The following DCT variants were observed in gnomAD, a reference collection of about 807,000 sequenced individuals.
DCT encodes the protein L-dopachrome tautomerase.
Under a neutral mutation model 53.0 loss-of-function variants are expected in DCT, and 47 were observed. The ratio of observed to expected loss-of-function variants is 0.89; its 90% CI spans 0.70 to 1.13. DCT has a LOEUF of 1.13. Among genes scored for constraint, DCT ranks in the 50% most tolerant of loss-of-function variants. The probability of loss-of-function intolerance (pLI) is 0.00; values close to 1 mark genes in which losing one functional copy is unlikely to be tolerated. For missense variants in DCT, 669 were observed against 637.4 expected (o/e 1.05, Z -0.53); for synonymous variants, 244 against 237.0 (o/e 1.03, Z -0.27).
intron 1 of DCT, among the ~76,000 whole-genome samples, chr13:94,471,659 A>T (rs1884652032): frequency 6.6e-6 from 1 of 152,234 alleles, no homozygotes; most frequent in Non-Finnish European, 1.5e-5. Context: ...CTACTATGAC[A>T]GTACAGGAAT....
chr13:94,517,411 ACT>A, the DCT span, among the ~76,000 whole-genome samples: 1 of 151,872 alleles, frequency 6.6e-6, no homozygotes. Flanking sequence ...CTCATTCTTG[ACT>A]CTCATCACCT....
chr13:94,446,182 G>A (rs1490557816), intron 6 of DCT, among the ~76,000 whole-genome samples: 1 of 152,096 alleles, frequency 6.6e-6, no homozygotes, highest in African/African-American at 2.4e-5. Flanking sequence ...CCTCAACAGT[G>A]GACACCAATA....
At chr13:94,521,884 T>C in the DCT span, among the ~76,000 whole-genome samples, 2 of 152,156 alleles carry the variant, frequency 1.3e-5, no homozygotes, top group Admixed American at 6.5e-5. Flanking sequence ...AGAAGCCCTA[T>C]ACCTAATACC....
chr13:94,469,127 G>T, intron 1 of DCT, 82 bp from the exon 2 acceptor site: 1 of 1,183,556 alleles, frequency 8.4e-7, no homozygotes, highest in Non-Finnish European at 1.2e-6. Context: ...TCTGAAATTT[G>T]AATGGAAGAG....
chr13:94,493,874 A>G, the DCT span, among the ~76,000 whole-genome samples: 1 of 152,192 alleles, frequency 6.6e-6, no homozygotes, highest in African/African-American at 2.4e-5. Context: ...ACAAAGAGTG[A>G]ACCCTCATGT....
At chr13:94,511,146 C>A in the DCT span, among the ~76,000 whole-genome samples, 3 of 152,138 alleles carry the variant, frequency 2.0e-5, no homozygotes, top group Non-Finnish European at 4.4e-5. Flanking sequence ...AAAGTCCTAA[C>A]AATGTCTATC....
intron 6 of DCT, among the ~76,000 whole-genome samples, chr13:94,443,877 G>A (rs1882533795): frequency 6.6e-6 from 1 of 152,184 alleles, no homozygotes; most frequent in African/African-American, 2.4e-5. Flanking sequence ...TTTCAACGAT[G>A]TATGAATCTC....
intron 6 of DCT, among the ~76,000 whole-genome samples, chr13:94,453,242 C>T (rs1883209249): frequency 6.6e-6 from 1 of 151,902 alleles, no homozygotes; most frequent in Non-Finnish European, 1.5e-5. Context: ...GATTTTGGTA[C>T]CCATGGTGGG....
Position 94,440,676 on chromosome 13 carries a change from G to GTTTT in DCT, c.1382-604_1382-601dup, listed in dbSNP as rs761688508. ...CAAAATTAGTGGATTTCATTTTTTG[G>GTTTT]TTTTTTTTTTTTTTTTTTTTTTTAG... On this transcript the variant is annotated intron_variant, in intron 7 of 7. Coordinates refer to ENST00000377028, the MANE Select transcript of DCT (RefSeq NM_001922.5). Among the ~76,000 whole-genome samples the GTTTT allele has an allele frequency of 7.6e-3, 745 of 98,002 alleles. 31 individuals are homozygous for GTTTT. Among genetic ancestry groups the GTTTT allele is most frequent in the South Asian group, 0.017 (47 of 2,692 alleles). The allele number at this position is 98,002 out of a possible 152,430, so 64.3% of individuals were successfully genotyped here.
chr13:94,542,641 A>G, the DCT span, among the ~76,000 whole-genome samples: 1 of 152,268 alleles, frequency 6.6e-6, no homozygotes, highest in East Asian at 1.9e-4. Flanking sequence ...CTGGGGCTCA[A>G]TCGAAGTTCT....
intron 4 of DCT, among the ~76,000 whole-genome samples, chr13:94,464,324 C>T (rs1367103298): frequency 2.6e-5 from 4 of 152,188 alleles, no homozygotes; most frequent in Non-Finnish European, 1.5e-5. Flanking sequence ...GGACGAAAGA[C>T]AGAGCAGTGG....
intron 7 of DCT, among the ~76,000 whole-genome samples, chr13:94,441,361 T>C (rs533685814): frequency 1.3e-5 from 2 of 152,360 alleles, no homozygotes; most frequent in South Asian, 4.1e-4. Context: ...TGTTGTAACA[T>C]ATATGTAACA....
At chr13:94,500,857 G>T in the DCT span, among the ~76,000 whole-genome samples, 2 of 152,082 alleles carry the variant, frequency 1.3e-5, no homozygotes, top group African/African-American at 2.4e-5. Flanking sequence ...ATAGGCAAAC[G>T]GAACAAAAGC....
At chr13:94,480,178 C>T (rs1316331403), upstream of DCT, among the ~76,000 whole-genome samples, 5 of 152,136 alleles carry the variant, frequency 3.3e-5, no homozygotes, top group African/African-American at 7.2e-5. Context: ...AGCACATCTA[C>T]GCAGCAATTT....
chr13:94,546,544 T>C, the DCT span, among the ~76,000 whole-genome samples: 9 of 152,080 alleles, frequency 5.9e-5, no homozygotes, highest in African/African-American at 2.2e-4. This position sits in a 1 kb window ranked among gnomAD's most constrained non-coding sequence, Gnocchi z 4.2. Context: ...CCCACACCAA[T>C]AGCCAGTAGC....
At chr13:94,457,702 G>A (rs765921916) in intron 6 of DCT, among the ~76,000 whole-genome samples, 6 of 152,140 alleles carry the variant, frequency 3.9e-5, no homozygotes, top group Non-Finnish European at 8.8e-5. Flanking sequence ...TCTTGTAATT[G>A]CTCCAAAACT....
At chr13:94,539,380 T>C in the DCT span, among the ~76,000 whole-genome samples, 3 of 152,206 alleles carry the variant, frequency 2.0e-5, no homozygotes, top group African/African-American at 7.2e-5. Context: ...AGGAATAAGA[T>C]ATGAAATAAA....
At chr13:94,547,984 A>AATAT in the DCT span, among the ~76,000 whole-genome samples, 322 of 65,780 alleles carry the variant, frequency 4.9e-3, 15 homozygotes, top group Middle Eastern at 0.056. Context: ...AAAAAAAAAA[A>AATAT]ATATATATAT....
chr13:94,445,743 CT>C (rs1566803495), intron 6 of DCT: 2 of 1,586,816 alleles, frequency 1.3e-6, no homozygotes, highest in South Asian at 2.3e-5. Context: ...AAGGGAGTTC[CT>C]TGGTCGCTTT....
Sources: gnomAD v4.1 joint callset for allele counts (sites outside exome capture counted in the v4.1 genomes callset) on GRCh38, gnomAD v4.1.1 for gene constraint, Gnocchi (gnomAD v3.1) non-coding constraint, MANE v1.5 for transcripts, NCBI Gene and HGNC (gene_info 2026-07-23, HGNC 2026-07-21) for gene names.